MYRIP: variants seen among roughly 807,000 people sequenced by gnomAD.
MYRIP encodes myosin VIIA and Rab interacting protein.
In MYRIP, 49 loss-of-function variants were observed where a neutral mutation model predicts 98.0. The ratio of observed to expected loss-of-function variants is 0.50; its 90% CI spans 0.40 to 0.63. The LOEUF is 0.63. Ranked by LOEUF, MYRIP falls within the 30% of genes least tolerant of loss-of-function variation. MYRIP has a pLI of 0.00. For missense variants in MYRIP, 1,004 were observed against 1,058.2 expected, an observed-to-expected ratio of 0.95 and a Z score of 0.71; for synonymous variants, 404 against 409.5, an observed-to-expected ratio of 0.99 and a Z score of 0.16.
intron 12 of MYRIP, among the ~76,000 whole-genome samples, chr3:40,238,196 C>T (rs1168397576): frequency 6.6e-6 from 1 of 152,200 alleles, no homozygotes; most frequent in Non-Finnish European, 1.5e-5. Context: ...TAAATTTCAC[C>T]TCAGAAGAAA....
intron 1 of MYRIP, among the ~76,000 whole-genome samples, chr3:39,888,687 AT>A (rs1943386838): frequency 6.6e-6 from 1 of 152,198 alleles, no homozygotes; most frequent in African/African-American, 2.4e-5. Flanking sequence ...ATGGGATCTA[AT>A]TAAACTAAAG....
chr3:39,969,166 C>T (rs1318516804), intron 2 of MYRIP, among the ~76,000 whole-genome samples: 2 of 152,118 alleles, frequency 1.3e-5, no homozygotes, highest in African/African-American at 2.4e-5. Context: ...GATTTTTGTA[C>T]ATCGATTTTG....
chr3:40,132,552 T>C (rs1949666990), intron 3 of MYRIP, among the ~76,000 whole-genome samples: 1 of 152,258 alleles, frequency 6.6e-6, no homozygotes, highest in African/African-American at 2.4e-5. Context: ...TATATTTTTC[T>C]GGGCCAGGGC....
intron 2 of MYRIP, among the ~76,000 whole-genome samples, chr3:40,008,709 C>T (rs143160948): frequency 2.2e-3 from 342 of 152,276 alleles, no homozygotes; most frequent in Non-Finnish European, 3.7e-3. Context: ...CATGGCCACT[C>T]GACCTCAGGA....
At chr3:40,046,891 C>T (rs1575493631) in intron 3 of MYRIP, among the ~76,000 whole-genome samples, 1 of 152,092 alleles carries the variant, frequency 6.6e-6, no homozygotes, top group African/African-American at 2.4e-5. Flanking sequence ...CCTCTTCTCC[C>T]CGAGTAAGAA....
intron 13 of MYRIP, among the ~76,000 whole-genome samples, chr3:40,245,913 A>ATTTTTTTT (rs55637614): frequency 2.6e-5 from 3 of 115,634 alleles, no homozygotes; most frequent in South Asian, 3.1e-4. Context: ...CACCCAGCTA[A>ATTTTTTTT]TTTTTTTTTT....
chr3:40,190,408 C>T lies in MYRIP; in HGVS notation c.1610C>T (p.Pro537Leu). 1 of 1,612,324 alleles carries T rather than the reference C, an allele frequency of 6.2e-7. No individual in the cohort carries two copies. The highest frequency in any genetic ancestry group is 2.2e-5 in the East Asian group (1 of 44,842). Residue 537 changes from proline to leucine, a missense_variant, in exon 10 of 17, where the codon CCA (proline) becomes CTA (leucine). Pro to Leu is a moderately conservative substitution (Grantham distance 98). Coordinates refer to ENST00000302541, the MANE Select transcript of MYRIP (RefSeq NM_015460.4). ...WRRARLGSEE[P>L]SKEPSSPSAQ... ...AGAGCCCGACTGGGCTCAGAAGAGC[C>T]AAGCAAAGAACCATCTTCCCCCAGC...
Position 39,873,153 on chromosome 3 carries a change from T to C in MYRIP, c.-30-27634T>C, listed in dbSNP as rs576109690. Among the ~76,000 whole-genome samples the C allele has an allele frequency of 2.6e-5, 4 of 152,356 alleles. No homozygotes were observed. The South Asian group carries it at 8.3e-4, about 32-fold the overall frequency. On this transcript the variant is annotated intron_variant, in intron 1 of 16. Transcript: ENST00000302541. Reference sequence around the variant, plus strand: ...AATATCTTCTTTTGAGAAGTGTCTGTTCATGTCTTTTGCCCACTTTTTGAT... The same window carrying C: ...AATATCTTCTTTTGAGAAGTGTCTGCTCATGTCTTTTGCCCACTTTTTGAT...
intron 2 of MYRIP, among the ~76,000 whole-genome samples, chr3:40,032,605 G>A (rs1947285956): frequency 6.6e-6 from 1 of 152,086 alleles, no homozygotes; most frequent in Admixed American, 6.6e-5. Context: ...AAAGAGTCCA[G>A]GACAAAATGG....
chr3:39,955,520 G>A (rs1349589079), intron 2 of MYRIP, among the ~76,000 whole-genome samples: 1 of 152,156 alleles, frequency 6.6e-6, no homozygotes, highest in African/African-American at 2.4e-5. Context: ...AAGAGCTCCT[G>A]AAGGAAGCAC....
At chr3:40,058,172 T>TC (rs1053195732) in intron 3 of MYRIP, among the ~76,000 whole-genome samples, 1 of 152,190 alleles carries the variant, frequency 6.6e-6, no homozygotes, top group African/African-American at 2.4e-5. Context: ...ATAATTTTTT[T>TC]CCCAGCATTG....
chr3:39,815,602 G>C (rs965184160), intron 1 of MYRIP, among the ~76,000 whole-genome samples: 5 of 152,022 alleles, frequency 3.3e-5, no homozygotes, highest in African/African-American at 4.8e-5. Flanking sequence ...ATCTTTGTTG[G>C]TTTGTAGATT....
chr3:40,083,318 G>A (rs543994490), intron 3 of MYRIP, among the ~76,000 whole-genome samples: 2 of 152,280 alleles, frequency 1.3e-5, no homozygotes, highest in East Asian at 3.9e-4. Context: ...TGAAGGATTG[G>A]GGAGCTGGTT....
At chr3:40,237,243 C>G (rs1952849771) in intron 12 of MYRIP, among the ~76,000 whole-genome samples, 1 of 152,146 alleles carries the variant, frequency 6.6e-6, no homozygotes, top group Non-Finnish European at 1.5e-5. Context: ...ATGCATGTAT[C>G]TGTCTGTTCA....
intron 16 of MYRIP, among the ~76,000 whole-genome samples, chr3:40,252,841 G>A (rs1324703540): frequency 6.6e-6 from 1 of 152,182 alleles, no homozygotes; most frequent in East Asian, 1.9e-4. Flanking sequence ...AAGAGGGACA[G>A]CTCTTTAGAC....
intron 12 of MYRIP, among the ~76,000 whole-genome samples, chr3:40,237,976 G>C (rs1307843253): frequency 6.6e-6 from 1 of 151,954 alleles, no homozygotes; most frequent in Non-Finnish European, 1.5e-5. Context: ...TTAATTGTAT[G>C]TTTTTTTTCC....
intron 2 of MYRIP, among the ~76,000 whole-genome samples, chr3:39,904,231 T>G (rs1416896375): frequency 6.6e-6 from 1 of 152,172 alleles, no homozygotes; most frequent in African/African-American, 2.4e-5. Context: ...CTAAGTGTTT[T>G]TCTTTGTTTG....
chr3:40,217,544 T>G (rs1179321677), intron 11 of MYRIP, among the ~76,000 whole-genome samples: 2 of 152,146 alleles, frequency 1.3e-5, no homozygotes, highest in African/African-American at 2.4e-5. Context: ...TCATAAATAC[T>G]GAATGAAGAA....
chr3:40,155,872 A>T (rs1340967912), intron 4 of MYRIP, among the ~76,000 whole-genome samples: 4 of 150,960 alleles, frequency 2.6e-5, no homozygotes, highest in African/African-American at 7.3e-5. Flanking sequence ...GTTTGAGTTC[A>T]TTGTAGATTC....
Sources: gnomAD v4.1 joint callset for allele counts (sites outside exome capture counted in the v4.1 genomes callset) on GRCh38, gnomAD v4.1.1 for gene constraint, MANE v1.5 for transcripts, NCBI Gene and HGNC (gene_info 2026-07-23, HGNC 2026-07-21) for gene names.